Variants in ABR observed in about 807,000 individuals in gnomAD.
The protein encoded by ABR is active breakpoint cluster region-related protein.
ABR carries 35 observed loss-of-function variants against 107.2 expected under a neutral mutation model. That is an observed-to-expected ratio of 0.33 (90% CI 0.25 to 0.43). ABR has a LOEUF of 0.43. Ranked by LOEUF, ABR falls within the 20% of genes least tolerant of loss-of-function variation. ABR has a pLI of 1.00. For missense variants in ABR, 815 were observed against 1,115.2 expected, an observed-to-expected ratio of 0.73 and a Z score of 3.83; for synonymous variants, 498 against 462.0, an observed-to-expected ratio of 1.08 and a Z score of -1.00.
chr17:1,100,532 G>A (rs2037792710), intron 3 of ABR, 105 bp downstream of exon 3: 1 of 1,070,448 alleles, frequency 9.3e-7, no homozygotes, highest in Non-Finnish European at 1.4e-6. Context: ...GGGAGGGACG[G>A]GTACGGTCCC....
Position 1,013,060 on chromosome 17 carries a change from C to T in ABR, c.1851+45G>A, listed in dbSNP as rs73283430. 6,694 of 1,608,052 alleles carry T rather than the reference C, an allele frequency of 4.2e-3. 236 individuals are homozygous for T. In the African/African-American group the frequency reaches 0.077, roughly 18 times the overall value. Reference sequence around the variant, plus strand: ...GCTGCCCACCTGCTGCACAGACGTTCCACCTCCCGGCTCACGCCACTGATC... The same window carrying T: ...GCTGCCCACCTGCTGCACAGACGTTTCACCTCCCGGCTCACGCCACTGATC... On this transcript the variant is annotated intron_variant, in intron 17 of 22. Transcript: ENST00000302538.
intron 7 of ABR, among the ~76,000 whole-genome samples, 153 bp downstream of exon 7, chr17:1,073,472 G>A (rs752603724): frequency 5.9e-5 from 9 of 152,006 alleles, no homozygotes; most frequent in Non-Finnish European, 1.0e-4. Flanking sequence ...CTGGCGGCAT[G>A]GATACCGCGG....
At chr17:1,140,485 T>G (rs1262737138) in intron 1 of ABR, among the ~76,000 whole-genome samples, 1 of 152,208 alleles carries the variant, frequency 6.6e-6, no homozygotes, top group East Asian at 1.9e-4. Context: ...CAGATCAGCC[T>G]GTCCGGGGCA....
chr17:1,164,618 CA>C (rs1436646342), intron 1 of ABR, among the ~76,000 whole-genome samples: 2 of 152,210 alleles, frequency 1.3e-5, no homozygotes, highest in East Asian at 3.9e-4. Context: ...GTCGGGTGAG[CA>C]ACAGACTAGC....
At chr17:1,088,862 G>A (rs2036814906) in intron 4 of ABR, among the ~76,000 whole-genome samples, 1 of 146,780 alleles carries the variant, frequency 6.8e-6, no homozygotes, top group South Asian at 2.2e-4. Context: ...GTGTTGCTGG[G>A]ATTATAAGCG....
chr17:1,171,105 G>A (rs764835045), intron 1 of ABR, among the ~76,000 whole-genome samples: 1 of 152,226 alleles, frequency 6.6e-6, no homozygotes, highest in Non-Finnish European at 1.5e-5. Flanking sequence ...AAAAGATGAC[G>A]TATGGGCTGT....
chr17:1,076,321 C>T (rs2035704234), intron 6 of ABR, among the ~76,000 whole-genome samples: 4 of 152,172 alleles, frequency 2.6e-5, no homozygotes, highest in African/African-American at 9.7e-5. Context: ...CTTGGGGTAT[C>T]CTCGGCACTG....
intron 1 of ABR, among the ~76,000 whole-genome samples, chr17:1,195,086 T>A (rs2042526800): frequency 1.4e-5 from 2 of 142,208 alleles, no homozygotes; most frequent in Admixed American, 1.4e-4. Flanking sequence ...GGCGGGCGGA[T>A]CACGAGGTCA....
intron 1 of ABR, among the ~76,000 whole-genome samples, chr17:1,177,392 C>A (rs930634881): frequency 6.6e-6 from 1 of 152,154 alleles, no homozygotes; most frequent in African/African-American, 2.4e-5. Context: ...CCAGGCCACC[C>A]CAGGAGCCGC....
chr17:1,147,971 A>G (rs2040624901), intron 1 of ABR, among the ~76,000 whole-genome samples: 1 of 152,164 alleles, frequency 6.6e-6, no homozygotes, highest in Non-Finnish European at 1.5e-5. Flanking sequence ...AGTGTTGGGT[A>G]GAAGCTGGCA....
intron 5 of ABR, among the ~76,000 whole-genome samples, chr17:1,080,896 G>A (rs1367284074): frequency 6.6e-6 from 1 of 152,162 alleles, no homozygotes. Flanking sequence ...GCTGCAGAGA[G>A]GAGCCTAATT....
At position 1,066,274 on chromosome 17, in the gene ABR, T is replaced by C. The variant is rs1263774031; in HGVS notation, c.1182+803A>G. On this transcript the variant is annotated intron_variant, in intron 10 of 22. Transcript: ENST00000302538. Reference sequence around the variant, plus strand: ...CTTGCAGAAAAATTTTGAGATTTCCTTAGTGGCCTATTATAGGATAAATGT... The same window carrying C: ...CTTGCAGAAAAATTTTGAGATTTCCCTAGTGGCCTATTATAGGATAAATGT... Among the ~76,000 whole-genome samples, 3 of 152,338 alleles carry C rather than the reference T, an allele frequency of 2.0e-5. No individual in the cohort carries two copies. In the East Asian group the frequency reaches 5.8e-4, roughly 29 times the overall value.
chr17:1,039,794 A>G (rs2030001366), intron 16 of ABR, among the ~76,000 whole-genome samples: 1 of 152,148 alleles, frequency 6.6e-6, no homozygotes, highest in African/African-American at 2.4e-5. Flanking sequence ...GGCAAGCAGC[A>G]GGGAGGCGGA....
chr17:1,073,032 T>A (rs2035371158), intron 7 of ABR, among the ~76,000 whole-genome samples: 1 of 151,792 alleles, frequency 6.6e-6, no homozygotes, highest in Non-Finnish European at 1.5e-5. Flanking sequence ...ATATAAAAAT[T>A]AGCTGGGCGT....
intron 9 of ABR, among the ~76,000 whole-genome samples, chr17:1,068,519 G>C (rs530239776): frequency 6.6e-6 from 1 of 152,218 alleles, no homozygotes; most frequent in Non-Finnish European, 1.5e-5. Flanking sequence ...CCACAGACAC[G>C]GGTTTGAATC....
chr17:1,222,266 T>C (rs2043133365), intron 1 of ABR, among the ~76,000 whole-genome samples: 1 of 152,104 alleles, frequency 6.6e-6, no homozygotes, highest in Admixed American at 6.5e-5. Context: ...GGTTTCACCA[T>C]GTTGGCCAGG....
At chr17:1,025,822 CGTCTGTCTCGGGCGCCTCTGT>C (rs2072150994) in intron 16 of ABR, among the ~76,000 whole-genome samples, 1 of 152,170 alleles carries the variant, frequency 6.6e-6, no homozygotes, top group Non-Finnish European at 1.5e-5. Flanking sequence ...GACAGGGTCT[CGTCTGTCTCGGGCGCCTCTGT>C]GTCCCTAGTT....
intron 1 of ABR, among the ~76,000 whole-genome samples, chr17:1,156,354 A>T (rs1293836928): frequency 6.6e-6 from 1 of 152,170 alleles, no homozygotes; most frequent in Non-Finnish European, 1.5e-5. Context: ...AGAAAAAAAA[A>T]AGGCCTCTCC....
intron 1 of ABR, among the ~76,000 whole-genome samples, chr17:1,145,341 T>C (rs1461283569): frequency 6.6e-6 from 1 of 152,186 alleles, no homozygotes; most frequent in African/African-American, 2.4e-5. Context: ...CTTATTAGAG[T>C]TAACAGCTTC....
Sources: allele counts gnomAD v4.1 joint callset (sites outside exome capture counted in the v4.1 genomes callset), GRCh38; gene constraint gnomAD v4.1.1; transcripts MANE v1.5; gene names NCBI Gene and HGNC (gene_info 2026-07-23, HGNC 2026-07-21).